Variants in SETBP1 observed in about 807,000 individuals in gnomAD.
The protein encoded by SETBP1 is SET-binding protein.
SETBP1 carries 9 observed loss-of-function variants against 101.0 expected under a neutral mutation model. That is an observed-to-expected ratio of 0.09 (90% confidence interval 0.05 to 0.16). The LOEUF (loss-of-function observed/expected upper bound fraction) is 0.16, where lower values mean the gene tolerates loss of function less well. SETBP1 is among the 10% of genes least tolerant of loss of function. SETBP1 has a pLI of 1.00. For missense variants in SETBP1, 1,858 were observed against 2,033.8 expected, an observed-to-expected ratio of 0.91 and a Z score of 1.66; for synonymous variants, 818 against 788.5, an observed-to-expected ratio of 1.04 and a Z score of -0.63.
At chr18:44,822,482 G>A (rs974210917) in intron 2 of SETBP1, among the ~76,000 whole-genome samples, 2 of 152,194 alleles carry the variant, frequency 1.3e-5, no homozygotes, top group African/African-American at 4.8e-5. Flanking sequence ...ATGTCATGGA[G>A]TAAAGGGTGT....
At chr18:44,975,125 A>T (rs1001597127) in intron 4 of SETBP1, among the ~76,000 whole-genome samples, 3 of 152,216 alleles carry the variant, frequency 2.0e-5, no homozygotes, top group African/African-American at 7.2e-5. Flanking sequence ...CCAAGAAGAG[A>T]GGCCCTCTTC....
chr18:44,961,190 C>T (rs1463178646), intron 4 of SETBP1, among the ~76,000 whole-genome samples: 1 of 151,950 alleles, frequency 6.6e-6, no homozygotes, highest in African/African-American at 2.4e-5. Context: ...GCAGAGGAAG[C>T]AGGGACCAGG....
At chr18:44,932,295 T>A (rs935763440) in intron 3 of SETBP1, among the ~76,000 whole-genome samples, 19 of 152,260 alleles carry the variant, frequency 1.2e-4, no homozygotes, top group Admixed American at 9.8e-4. Context: ...GTAGAGTTTC[T>A]GCTGAGAGAT....
chr18:44,962,462 G>GCTAGGT (rs1235973583), intron 4 of SETBP1, among the ~76,000 whole-genome samples: 1 of 152,116 alleles, frequency 6.6e-6, no homozygotes, highest in East Asian at 1.9e-4. Flanking sequence ...TGAGCTTGGT[G>GCTAGGT]CTAGGTGCTG....
intron 4 of SETBP1, among the ~76,000 whole-genome samples, chr18:44,980,949 T>A (rs1201321205): frequency 6.6e-6 from 1 of 152,176 alleles, no homozygotes; most frequent in Non-Finnish European, 1.5e-5. Flanking sequence ...TTTATGCATC[T>A]GTAAAAAGAA....
intron 2 of SETBP1, among the ~76,000 whole-genome samples, chr18:44,787,411 C>T (rs1433705390): frequency 6.6e-6 from 1 of 152,090 alleles, no homozygotes; most frequent in African/African-American, 2.4e-5. Flanking sequence ...TAACTAAATA[C>T]AAAACTGAAT....
At chr18:44,855,195 G>A (rs983246978) in intron 2 of SETBP1, among the ~76,000 whole-genome samples, 14 of 151,748 alleles carry the variant, frequency 9.2e-5, no homozygotes, top group African/African-American at 3.4e-4. Flanking sequence ...ATAGTGTTAT[G>A]ATCGTTATTG....
intron 1 of SETBP1, among the ~76,000 whole-genome samples, chr18:44,685,330 T>C (rs1376361057): frequency 6.6e-6 from 1 of 152,264 alleles, no homozygotes; most frequent in Non-Finnish European, 1.5e-5. Context: ...CATTTTGTTC[T>C]TTTCAAAAAT....
intron 4 of SETBP1, among the ~76,000 whole-genome samples, chr18:44,997,927 C>G (rs1317566265): frequency 6.6e-6 from 1 of 152,172 alleles, no homozygotes; most frequent in Non-Finnish European, 1.5e-5. Flanking sequence ...TGAGGTTTCC[C>G]CTGCTACTTT....
At chr18:44,882,815 G>A (rs568381624) in intron 3 of SETBP1, among the ~76,000 whole-genome samples, 3 of 152,198 alleles carry the variant, frequency 2.0e-5, no homozygotes, top group South Asian at 2.1e-4. Flanking sequence ...TATTCTAGGC[G>A]GGGGTGTGTG....
At chr18:45,012,342 C>T (rs1025222492) in intron 4 of SETBP1, among the ~76,000 whole-genome samples, 43 of 152,034 alleles carry the variant, frequency 2.8e-4, no homozygotes, top group Admixed American at 2.7e-3. Context: ...AGGCAGATTT[C>T]GGATTGGCTA....
chr18:44,752,559 G>A (rs1324017270), intron 2 of SETBP1, among the ~76,000 whole-genome samples: 1 of 152,168 alleles, frequency 6.6e-6, no homozygotes, highest in African/African-American at 2.4e-5. Flanking sequence ...ATTATCAATT[G>A]CTGTCTCTAT....
intron 1 of SETBP1, among the ~76,000 whole-genome samples, chr18:44,692,880 A>G (rs911081071): frequency 6.6e-6 from 1 of 152,214 alleles, no homozygotes; most frequent in African/African-American, 2.4e-5. Context: ...TCTGCAGCTT[A>G]CGAGATGCTG....
At chr18:44,718,880 A>T (rs2069523880) in intron 2 of SETBP1, among the ~76,000 whole-genome samples, 1 of 152,178 alleles carries the variant, frequency 6.6e-6, no homozygotes, top group Non-Finnish European at 1.5e-5. Context: ...AGAGGATGTC[A>T]GAGCTTCTCA....
intron 2 of SETBP1, among the ~76,000 whole-genome samples, chr18:44,862,072 C>G (rs1386653270): frequency 6.6e-6 from 1 of 152,136 alleles, no homozygotes; most frequent in Non-Finnish European, 1.5e-5. Flanking sequence ...GTTGAAATAG[C>G]TATGACTTGG....
At chr18:44,986,730 C>T (rs972533284) in intron 4 of SETBP1, 7 of 151,952 alleles carry the variant, frequency 4.6e-5, no homozygotes, top group Admixed American at 4.6e-4. Flanking sequence ...CTTCCACCTC[C>T]ATAGCTTGTC....
At chr18:44,764,761 C>T (rs1055014572) in intron 2 of SETBP1, among the ~76,000 whole-genome samples, 3 of 152,116 alleles carry the variant, frequency 2.0e-5, no homozygotes, top group Non-Finnish European at 2.9e-5. Flanking sequence ...TGTGAGCCAC[C>T]GCGCCCGGCC....
At chr18:45,002,616 C>T (rs1038869262) in intron 4 of SETBP1, among the ~76,000 whole-genome samples, 3 of 152,108 alleles carry the variant, frequency 2.0e-5, no homozygotes, top group South Asian at 4.1e-4. Context: ...AGGGCAATGC[C>T]GAATTCTAAG....
At chr18:44,842,839 T>A (rs1393524819) in intron 2 of SETBP1, among the ~76,000 whole-genome samples, 2 of 152,222 alleles carry the variant, frequency 1.3e-5, no homozygotes, top group Admixed American at 1.3e-4. Context: ...AACCAACTGT[T>A]ACAGATGCAG....
Sources: allele counts gnomAD v4.1 joint callset (sites outside exome capture counted in the v4.1 genomes callset), GRCh38; gene constraint gnomAD v4.1.1; transcripts MANE v1.5; gene names NCBI Gene and HGNC (gene_info 2026-07-23, HGNC 2026-07-21).